Variants in FAM135B observed in about 807,000 individuals in gnomAD.
FAM135B encodes protein FAM135B.
In FAM135B, 43 loss-of-function variants were observed where a neutral mutation model predicts 127.7. The ratio of observed to expected loss-of-function variants is 0.34; its 90% CI spans 0.26 to 0.43. The LOEUF (loss-of-function observed/expected upper bound fraction) is 0.43, where lower values mean the gene tolerates loss of function less well. FAM135B is among the 20% of genes least tolerant of loss of function. The pLI is 1.00. For missense variants in FAM135B, 1,558 were observed against 1,725.6 expected (o/e 0.90, Z 1.72); for synonymous variants, 670 against 665.1 (o/e 1.01, Z -0.11).
At chr8:138,355,141 C>A (rs1830013407) in intron 2 of FAM135B, among the ~76,000 whole-genome samples, 1 of 152,060 alleles carries the variant, frequency 6.6e-6, no homozygotes, top group Admixed American at 6.6e-5. Flanking sequence ...CTAGTTCAAC[C>A]ATTGTGGAAG....
chr8:138,246,615 G>A (rs1260739433), intron 6 of FAM135B, among the ~76,000 whole-genome samples: 1 of 152,186 alleles, frequency 6.6e-6, no homozygotes, highest in African/African-American at 2.4e-5. Context: ...TTTGCTGCAG[G>A]AGCAGACCCC....
rs775158702 is a variant in FAM135B, at chr8:138,152,603, T to C, written c.1872A>G (p.Gln624=). The C allele has an allele frequency of 6.2e-7, 1 of 1,614,110 alleles. No individual in the cohort carries two copies. Among genetic ancestry groups the C allele is most frequent in the African/African-American group, 1.3e-5 (1 of 74,952 alleles). Residue 624 remains glutamine, a synonymous_variant, in exon 13 of 20, where the codon CAA becomes CAG. Transcript: ENST00000395297. ...ELSTLGKGID[Q]EGKMVLLSLK... ...AGCTTAGCAGCACCATCTTCCCCTCTTGATCTATTCCCTTTCCTAGAGTAC... is the reference window on the plus strand; with the variant it reads ...AGCTTAGCAGCACCATCTTCCCCTCCTGATCTATTCCCTTTCCTAGAGTAC...
intron 2 of FAM135B, among the ~76,000 whole-genome samples, chr8:138,349,328 A>T (rs1829631093): frequency 6.6e-6 from 1 of 152,188 alleles, no homozygotes; most frequent in Admixed American, 6.5e-5. Context: ...AGTGAGACAG[A>T]CTTGGAACAG....
At chr8:138,375,556 T>C (rs1401305795) in intron 1 of FAM135B, among the ~76,000 whole-genome samples, 1 of 152,184 alleles carries the variant, frequency 6.6e-6, no homozygotes, top group Non-Finnish European at 1.5e-5. Context: ...ACACAGAAGG[T>C]TGACAACAGA....
intron 1 of FAM135B, among the ~76,000 whole-genome samples, chr8:138,380,105 A>C (rs1318653666): frequency 2.6e-5 from 4 of 152,240 alleles, no homozygotes; most frequent in African/African-American, 4.8e-5. Flanking sequence ...CAGCAGGCTT[A>C]GTATCAGTGG....
chr8:138,464,070 C>G (rs1837266228), intron 1 of FAM135B, among the ~76,000 whole-genome samples: 1 of 152,104 alleles, frequency 6.6e-6, no homozygotes, highest in African/African-American at 2.4e-5. Flanking sequence ...TCACTCATTC[C>G]TTTATCAGGT....
At chr8:138,412,211 C>A (rs1833908342) in intron 1 of FAM135B, among the ~76,000 whole-genome samples, 1 of 152,112 alleles carries the variant, frequency 6.6e-6, no homozygotes, top group East Asian at 1.9e-4. Context: ...CCCCTTGAAT[C>A]TAACATAAAA....
chr8:138,316,122 T>A (rs2130919560), intron 2 of FAM135B, among the ~76,000 whole-genome samples: 1 of 152,356 alleles, frequency 6.6e-6, no homozygotes, highest in Non-Finnish European at 1.5e-5. Context: ...TATATTTGTT[T>A]ATCAAAACAT....
At chr8:138,484,383 T>C (rs2131685403) in intron 1 of FAM135B, among the ~76,000 whole-genome samples, 1 of 152,338 alleles carries the variant, frequency 6.6e-6, no homozygotes, top group African/African-American at 2.4e-5. Flanking sequence ...GATTTATAGC[T>C]GAATTTTGAA....
chr8:138,317,766 T>C (rs1198069336), intron 2 of FAM135B, among the ~76,000 whole-genome samples: 1 of 152,230 alleles, frequency 6.6e-6, no homozygotes, highest in African/African-American at 2.4e-5. Context: ...AAATCTATCT[T>C]TTTATTTTCT....
At chr8:138,463,808 TGAG>T (rs1409622286) in intron 1 of FAM135B, among the ~76,000 whole-genome samples, 1 of 152,054 alleles carries the variant, frequency 6.6e-6, no homozygotes, top group Non-Finnish European at 1.5e-5. Context: ...TGAGCAATCC[TGAG>T]GAGAAGGGTC....
At chr8:138,196,328 T>G (rs1387856097) in intron 8 of FAM135B, among the ~76,000 whole-genome samples, 1 of 152,196 alleles carries the variant, frequency 6.6e-6, no homozygotes, top group Non-Finnish European at 1.5e-5. Context: ...ATTCAGTGAT[T>G]GCATGATTCA....
intron 3 of FAM135B, among the ~76,000 whole-genome samples, chr8:138,269,594 A>G (rs903776792): frequency 4.6e-5 from 7 of 152,226 alleles, no homozygotes; most frequent in Non-Finnish European, 1.5e-5. Context: ...AAGCCCCATT[A>G]GACTATGGGT....
chr8:138,475,389 A>G (rs1221165625), intron 1 of FAM135B, among the ~76,000 whole-genome samples: 1 of 152,090 alleles, frequency 6.6e-6, no homozygotes, highest in Non-Finnish European at 1.5e-5. Flanking sequence ...TCTACTTCCA[A>G]CCCAGACGTC....
chr8:138,413,266 T>G (rs561011379), intron 1 of FAM135B, among the ~76,000 whole-genome samples: 72 of 152,274 alleles, frequency 4.7e-4, no homozygotes, highest in African/African-American at 1.7e-3. Flanking sequence ...TCATTCCTTA[T>G]TGGTACTTTC....
chr8:138,345,907 CATCT>C lies in FAM135B; in HGVS notation c.77+21996_77+21999del, dbSNP rs201271839. The stretch of plus-strand genomic sequence containing the variant: ...TAAGTTATATGTTTTGCAATCCATC[CATCT>C]GACAAAGGTCTAATATCCAGAGTCT... On this transcript the variant is annotated intron_variant, in intron 2 of 19. Transcript: ENST00000395297. Among the ~76,000 whole-genome samples, 878 of 152,246 alleles carry C rather than the reference CATCT, an allele frequency of 5.8e-3. 11 individuals carry two copies. The highest frequency in any genetic ancestry group is 0.02 in the African/African-American group (820 of 41,532).
chr8:138,223,798 A>G lies in FAM135B; in HGVS notation c.669+19144T>C, dbSNP rs183346705. 6.2e-4 allele frequency among the ~76,000 whole-genome samples: 95 copies of G among 152,360 alleles called. 1 individual carries two copies. Among genetic ancestry groups the G allele is most frequent in the African/African-American group, 2.2e-3 (92 of 41,596 alleles). On this transcript the variant is annotated intron_variant, in intron 7 of 19. Coordinates refer to ENST00000395297, the MANE Select transcript of FAM135B (RefSeq NM_015912.4). ...CACGGAATCAACCTAAGTGCCATCA[A>G]TGATGGATTAGATAAACAACATGAG...
In FAM135B at chr8:138,151,701, T is replaced by G; in HGVS notation, c.2774A>C (p.Glu925Ala). The change falls in exon 13 of 20, where the codon GAG becomes GCG. Residue 925 changes from glutamate (E) to alanine (A), a missense_variant. Around this residue, in one of 5 missense-constraint regions of FAM135B, gnomAD observed 923 missense variants for 865.3 expected, o/e 1.07. Coordinates refer to ENST00000395297, the MANE Select transcript of FAM135B (RefSeq NM_015912.4). ...QQALSNSGIS[E>A]VEGLSQHQVP... ...CTGATGTTGAGAGAGACCCTCAACC[T>G]CTGAGATGCCACTGTTGGAAAGAGC... 1 of 1,614,188 alleles carries G rather than the reference T, an allele frequency of 6.2e-7. No individual in the cohort carries two copies. The highest frequency in any genetic ancestry group is 8.5e-7 in the Non-Finnish European group (1 of 1,180,050).
chr8:138,163,771 G>A (rs1819639742), intron 12 of FAM135B, among the ~76,000 whole-genome samples: 1 of 152,132 alleles, frequency 6.6e-6, no homozygotes, highest in African/African-American at 2.4e-5. Flanking sequence ...AATACACCAT[G>A]AACAAATGCT....
Sources: gnomAD v4.1 joint callset for allele counts (sites outside exome capture counted in the v4.1 genomes callset) on GRCh38, gnomAD v4.1.1 for gene constraint, gnomAD v4.1.1 regional missense constraint, MANE v1.5 for transcripts, NCBI Gene and HGNC (gene_info 2026-07-23, HGNC 2026-07-21) for gene names.